Variants in ROBO1 observed in about 807,000 individuals in gnomAD.
The protein encoded by ROBO1 is roundabout homolog 1.
A neutral mutation model predicts 195.9 loss-of-function variants in ROBO1; 149 were observed. That is an observed-to-expected ratio of 0.76 (90% CI 0.67 to 0.87). The LOEUF (loss-of-function observed/expected upper bound fraction) is 0.87. Among genes scored for constraint, ROBO1 ranks in the 40% least tolerant of loss-of-function variants. The probability of loss-of-function intolerance (pLI) is 0.00; values close to 1 mark genes in which losing one functional copy is unlikely to be tolerated. For missense variants in ROBO1, 1,933 were observed against 2,068.3 expected (o/e 0.93, Z 1.27); for synonymous variants, 816 against 733.2 (o/e 1.11, Z -1.82).
At chr3:79,618,316 G>C (rs1944890500) in intron 1 of ROBO1, among the ~76,000 whole-genome samples, 2 of 152,066 alleles carry the variant, frequency 1.3e-5, no homozygotes, top group South Asian at 4.1e-4. Context: ...TTATTGTCAG[G>C]CCTCTGAGCC....
chr3:79,281,135 A>C (rs1021025507), intron 2 of ROBO1, among the ~76,000 whole-genome samples: 2 of 152,230 alleles, frequency 1.3e-5, no homozygotes, highest in African/African-American at 4.8e-5. Context: ...ACTTGATAAA[A>C]TGTGTCCTGT....
intron 2 of ROBO1, among the ~76,000 whole-genome samples, chr3:79,470,661 T>C (rs1199092218): frequency 6.6e-6 from 1 of 152,080 alleles, no homozygotes; most frequent in Non-Finnish European, 1.5e-5. Flanking sequence ...CCTCATACTG[T>C]TCTTGTGGTA....
intron 3 of ROBO1, among the ~76,000 whole-genome samples, chr3:79,117,972 A>C (rs2080039299): frequency 6.6e-6 from 1 of 152,196 alleles, no homozygotes; most frequent in African/African-American, 2.4e-5. Context: ...CTGTGAATTG[A>C]AAAACTAAAA....
At chr3:79,356,737 C>T (rs569703687) in intron 2 of ROBO1, among the ~76,000 whole-genome samples, 6 of 152,230 alleles carry the variant, frequency 3.9e-5, no homozygotes, top group African/African-American at 1.4e-4. Flanking sequence ...CTGACATTTG[C>T]TAGCAAATGT....
intron 4 of ROBO1, among the ~76,000 whole-genome samples, chr3:78,847,444 G>A (rs1485764730): frequency 2.6e-5 from 4 of 152,100 alleles, no homozygotes; most frequent in Admixed American, 2.6e-4. Context: ...TAGAGTACCT[G>A]AAGTTGTACC....
chr3:79,165,616 C>T (rs995507853), intron 2 of ROBO1, among the ~76,000 whole-genome samples: 18 of 152,134 alleles, frequency 1.2e-4, no homozygotes, highest in East Asian at 3.9e-4. Flanking sequence ...CCTGAAAGAA[C>T]GGAATTTCCC....
chr3:79,570,298 A>C (rs1943236751), intron 2 of ROBO1, among the ~76,000 whole-genome samples: 1 of 151,816 alleles, frequency 6.6e-6, no homozygotes, highest in Non-Finnish European at 1.5e-5. Context: ...GAAAAAAAAA[A>C]AACTGTTTTC....
chr3:78,699,578 A>ATAATAATAATAATAT (rs1275381238), intron 8 of ROBO1, among the ~76,000 whole-genome samples: 1 of 150,022 alleles, frequency 6.7e-6, no homozygotes, highest in Non-Finnish European at 1.5e-5. Flanking sequence ...CCAAGTAATA[A>ATAATAATAATAATAT]TAATAATAAT....
intron 21 of ROBO1, among the ~76,000 whole-genome samples, chr3:78,644,400 G>A (rs1706152032): frequency 6.6e-6 from 1 of 152,044 alleles, no homozygotes; most frequent in Non-Finnish European, 1.5e-5. Flanking sequence ...CACATAGTAA[G>A]TGTTCAATAT....
chr3:79,405,436 C>T (rs1407060983), intron 2 of ROBO1, among the ~76,000 whole-genome samples: 1 of 152,206 alleles, frequency 6.6e-6, no homozygotes, highest in Non-Finnish European at 1.5e-5. Context: ...AGGGCCCAGT[C>T]ACCTCTGTGG....
At chr3:79,341,730 T>G (rs1358740632) in intron 2 of ROBO1, among the ~76,000 whole-genome samples, 1 of 152,304 alleles carries the variant, frequency 6.6e-6, no homozygotes, top group East Asian at 1.9e-4. Flanking sequence ...CATCTATTTA[T>G]AGTAGTTTTT....
intron 8 of ROBO1, among the ~76,000 whole-genome samples, chr3:78,695,680 G>A (rs1484638823): frequency 1.3e-5 from 2 of 149,058 alleles, no homozygotes; most frequent in East Asian, 3.9e-4. Context: ...AGCCTATTAA[G>A]GATCTTAAAA....
chr3:79,575,735 A>G (rs1215815393), intron 2 of ROBO1, among the ~76,000 whole-genome samples: 1 of 151,292 alleles, frequency 6.6e-6, no homozygotes, highest in Non-Finnish European at 1.5e-5. Flanking sequence ...CAAGTACTAG[A>G]TTATTTTTGT....
At chr3:79,265,558 T>C (rs2083024393) in intron 2 of ROBO1, among the ~76,000 whole-genome samples, 1 of 151,562 alleles carries the variant, frequency 6.6e-6, no homozygotes, top group African/African-American at 2.4e-5. Context: ...TTTTAAGTTG[T>C]ATAAACGAAA....
chr3:78,639,749 C>T lies in ROBO1; in HGVS notation c.3032G>A (p.Arg1011His), dbSNP rs377431773. 14 of 1,612,112 alleles carry T rather than the reference C, an allele frequency of 8.7e-6. No individual in the cohort carries two copies. In the East Asian group the frequency reaches 1.1e-4, roughly 13 times the overall value. Residue 1011 changes from arginine to histidine, a missense_variant, in exon 22 of 31, where the codon CGC becomes CAC. Physicochemically the swap from Arg to His is conservative, Grantham distance 29. This residue lies in a region of ROBO1 where 1,737 missense variants were observed against 1,882.5 expected (regional missense o/e 0.92). Transcript: ENST00000464233. ...GCTCTCTCTGTGTCCCTAACCTGGG[C>T]GACTGTAGGTAGTGAGGTTGCTGTC... The part of the protein sequence containing the change: ...NSDSNLTTYS[R>H]PADCIANYNN...
intron 2 of ROBO1, among the ~76,000 whole-genome samples, chr3:79,309,317 C>T (rs1355185058): frequency 1.3e-5 from 2 of 152,080 alleles, no homozygotes; most frequent in Non-Finnish European, 2.9e-5. Flanking sequence ...ACCTATAATC[C>T]AAGCACTTTG....
Position 78,651,855 on chromosome 3 carries a change from G to A in ROBO1, c.2689C>T (p.Pro897Ser), listed in dbSNP as rs1360765085. The change falls in exon 19 of 31, where the codon CCG becomes TCG. Residue 897 changes from proline to serine, a missense_variant. Coordinates refer to ENST00000464233, the MANE Select transcript of ROBO1 (RefSeq NM_002941.4). ...GCTCCAATACCTGCTATGAAGGCCG[G>A]CTGCTTCACCACATCTGAAATCTGC... The part of the protein sequence containing the change: ...AQQISDVVKQ[P>S]AFIAGIGAAC... 6.2e-7 allele frequency: 1 copy of A among 1,613,804 alleles called. No individual in the cohort carries two copies. The highest frequency in any genetic ancestry group is 8.5e-7 in the Non-Finnish European group (1 of 1,179,744).
At chr3:79,288,515 T>C (rs1482587989) in intron 2 of ROBO1, among the ~76,000 whole-genome samples, 1 of 152,228 alleles carries the variant, frequency 6.6e-6, no homozygotes, top group East Asian at 1.9e-4. Context: ...TGTGTGTTTG[T>C]GTTTTCCTAA....
At chr3:79,183,373 G>A (rs2081380749) in intron 2 of ROBO1, among the ~76,000 whole-genome samples, 1 of 152,194 alleles carries the variant, frequency 6.6e-6, no homozygotes, top group East Asian at 1.9e-4. Context: ...ACTACAAGTT[G>A]AGGGCAAGTT....
Sources: allele counts gnomAD v4.1 joint callset (sites outside exome capture counted in the v4.1 genomes callset), GRCh38; gene constraint gnomAD v4.1.1; regional missense constraint gnomAD v4.1.1; transcripts MANE v1.5; gene names NCBI Gene and HGNC (gene_info 2026-07-23, HGNC 2026-07-21).